Variants in BEST2 observed in about 807,000 individuals in gnomAD.
BEST2 encodes the protein bestrophin 2.
A neutral mutation model predicts 49.0 loss-of-function variants in BEST2; 36 were observed. The ratio of observed to expected loss-of-function variants is 0.73; its 90% confidence interval spans 0.56 to 0.97. The LOEUF is 0.97. Ranked by LOEUF, BEST2 falls within the 50% of genes least tolerant of loss-of-function variation. The pLI is 0.00. For missense variants in BEST2, 672 were observed against 710.0 expected, an observed-to-expected ratio of 0.95 and a Z score of 0.61; for synonymous variants, 335 against 304.4, an observed-to-expected ratio of 1.10 and a Z score of -1.05.
At chr19:12,756,006 C>T in intron 8 of BEST2, 71 bp downstream of exon 8, 1 of 1,590,272 alleles carries the variant, frequency 6.3e-7, no homozygotes, top group Non-Finnish European at 8.6e-7. Flanking sequence ...GTTCTGGTCC[C>T]ACCCCTGCCA....
Position 12,755,138 on chromosome 19 carries a change from A to T in BEST2, c.636+107A>T, listed in dbSNP as rs1338655961. 2.2e-6 allele frequency: 3 copies of T among 1,364,542 alleles called. No homozygotes were observed. In the South Asian group the frequency reaches 4.4e-5, roughly 20 times the overall value. The allele number at this position is 1,364,542 out of a possible 1,614,324, so 84.5% of individuals were successfully genotyped here. On this transcript the variant is annotated intron_variant, in intron 5 of 9. Transcript: ENST00000553030. This position sits in a 1 kb window ranked among gnomAD's most constrained non-coding sequence, Gnocchi z 4.4. ...CACCCCCACGAGGCCGATTTCAAAC[A>T]CCCTCACCAGGTGCACTCTTACCTC...
chr19:12,757,399 G>A (rs1434523599), intron 9 of BEST2, among the ~76,000 whole-genome samples: 1 of 152,186 alleles, frequency 6.6e-6, no homozygotes, highest in African/African-American at 2.4e-5. Flanking sequence ...GCAACAGAGC[G>A]AGACTCCGTC....
Position 12,755,798 on chromosome 19 carries a change from G to C in BEST2, c.867+31G>C. On this transcript the variant is annotated intron_variant, in intron 7 of 9. Coordinates refer to ENST00000553030, the MANE Select transcript of BEST2 (RefSeq NM_017682.3). This position sits in a 1 kb window ranked among gnomAD's most constrained non-coding sequence, Gnocchi z 4.4. The stretch of plus-strand genomic sequence containing the variant: ...TGGGTGATCCAGGCTGGAATTTCGT[G>C]GGTGGGGCGGGCATGGGGTTCCCAA... 1 of 1,613,610 alleles carries C rather than the reference G, an allele frequency of 6.2e-7. No homozygotes were observed.
At chr19:12,752,481 C>T (rs918874757) in intron 1 of BEST2, 61 bp from the exon 2 acceptor site, 136 of 1,196,758 alleles carry the variant, frequency 1.1e-4, no homozygotes, top group Non-Finnish European at 1.4e-4. Flanking sequence ...GGTGGCGGGC[C>T]GGAACATGGG....
intron 2 of BEST2, 107 bp downstream of exon 2, chr19:12,752,851 C>T (rs1014533352): frequency 1.1e-5 from 10 of 870,516 alleles, no homozygotes; most frequent in Non-Finnish European, 1.5e-5. Context: ...GTATATATAT[C>T]TATGTTTTTT....
Position 12,755,067 on chromosome 19 carries a change from C to G in BEST2, c.636+36C>G, listed in dbSNP as rs1967923457. 1 of 1,565,504 alleles carries G rather than the reference C, an allele frequency of 6.4e-7. No individual in the cohort carries two copies. The stretch of plus-strand genomic sequence containing the variant: ...CCAGGAGGTCATTCATATAGAATAC[C>G]AGGGAAATTGTACCCCTGGAGCTGT... On this transcript the variant is annotated intron_variant, in intron 5 of 9. Transcript: ENST00000553030. This position sits in a 1 kb window ranked among gnomAD's most constrained non-coding sequence, Gnocchi z 4.4.
intron 8 of BEST2, 50 bp from the exon 9 acceptor site, chr19:12,756,091 C>G (rs769013011): frequency 1.2e-6 from 2 of 1,610,988 alleles, no homozygotes. Flanking sequence ...ACCCTGTGGT[C>G]CCGGCGGGTT....
chr19:12,757,913 G>GGCCT lies in BEST2; in HGVS notation c.1370_1373dup (p.Glu459AlafsTer56), dbSNP rs761226034. 1 of 1,559,892 alleles carries GGCCT rather than the reference G, an allele frequency of 6.4e-7. No individual in the cohort carries two copies. The highest frequency in any genetic ancestry group is 8.7e-7 in the Non-Finnish European group (1 of 1,153,930). Reference sequence around the variant, plus strand: ...CTGCGGGGACCCGCTGCTCGACCCCGGCCTGCCGGAGCCCGAGGCCCCGCC... The same window carrying GGCCT: ...CTGCGGGGACCCGCTGCTCGACCCCGGCCTGCCTGCCGGAGCCCGAGGCCCCGCC... On this transcript the variant is annotated frameshift_variant, in exon 10 of 10. Coordinates refer to ENST00000553030, the MANE Select transcript of BEST2 (RefSeq NM_017682.3). LOFTEE classifies it low-confidence loss of function (END_TRUNC).
At chr19:12,753,645 G>A (rs1431031553) in intron 3 of BEST2, among the ~76,000 whole-genome samples, 2 of 152,002 alleles carry the variant, frequency 1.3e-5, no homozygotes, top group African/African-American at 4.8e-5. Context: ...TCTCACCAGT[G>A]TCTGTTGTGT....
chr19:12,753,011 G>A (rs1599456896), intron 2 of BEST2, among the ~76,000 whole-genome samples: 1 of 151,874 alleles, frequency 6.6e-6, no homozygotes, highest in Non-Finnish European at 1.5e-5. Flanking sequence ...ACCATGCCTG[G>A]CTAATTTTTT....
Position 12,758,260 on chromosome 19 carries a change from C to A in BEST2, c.*183C>A. On this transcript the variant is annotated 3_prime_UTR_variant, in exon 10 of 10. Coordinates refer to ENST00000553030, the MANE Select transcript of BEST2 (RefSeq NM_017682.3). ...GCGGGAGTTCTTCCAGACTCTTGGA[C>A]CAGCCCGCCCTGACCACCAGCTCTA... The A allele has an allele frequency of 1.4e-6, 1 of 707,404 alleles. No homozygotes were observed. Among genetic ancestry groups the A allele is most frequent in the Non-Finnish European group, 2.3e-6 (1 of 442,546 alleles). The allele number at this position is 707,404 out of a possible 1,614,324, so 43.8% of individuals were successfully genotyped here. A position where few individuals can be genotyped will look rare whatever the true frequency, so the allele number is the denominator to read the frequency against.
chr19:12,755,799 G>A lies in BEST2; in HGVS notation c.867+32G>A. On this transcript the variant is annotated intron_variant, in intron 7 of 9. Coordinates refer to ENST00000553030, the MANE Select transcript of BEST2 (RefSeq NM_017682.3). The surrounding 1 kb of genome is among the most constrained non-coding windows in gnomAD (Gnocchi z 4.4). ...GGGTGATCCAGGCTGGAATTTCGTG[G>A]GTGGGGCGGGCATGGGGTTCCCAAG... 1 of 1,613,642 alleles carries A rather than the reference G, an allele frequency of 6.2e-7. No individual in the cohort carries two copies. Among genetic ancestry groups the A allele is most frequent in the South Asian group, 1.1e-5 (1 of 91,066 alleles).
At chr19:12,754,414 CCCAAACG>C (rs1331376663) in intron 3 of BEST2, 131 bp from the exon 4 acceptor site, 1 of 722,638 alleles carries the variant, frequency 1.4e-6, no homozygotes, top group African/African-American at 1.8e-5. Flanking sequence ...AAGTTCCCAG[CCCAAACG>C]TGGTCAGGTT....
In BEST2 at chr19:12,754,960, T is replaced by G. The variant is rs779188520; in HGVS notation, c.565T>G (p.Ser189Ala). The G allele has an allele frequency of 2.5e-6, 4 of 1,613,784 alleles. No individual in the cohort carries two copies. The Admixed American group carries it at 6.7e-5, about 27-fold the overall frequency. ...NKYWVPCVWF[S>A]NLAAQARREG... is the part of the protein sequence containing the mutation. ...GTACTGGGTGCCCTGCGTCTGGTTC[T>G]CCAACCTGGCGGCACAGGCCCGACG... Residue 189 changes from serine to alanine, a missense_variant, in exon 5 of 10, where the codon TCC (serine) becomes GCC (alanine). Physicochemically the swap from Ser to Ala is moderately conservative, Grantham distance 99. Around this residue, in one of 3 missense-constraint regions of BEST2, gnomAD observed 365 missense variants for 390.9 expected, o/e 0.93. Transcript: ENST00000553030.
chr19:12,754,506 T>G (rs1370795062), intron 3 of BEST2, 46 bp from the exon 4 acceptor site: 1 of 1,388,876 alleles, frequency 7.2e-7, no homozygotes, highest in East Asian at 2.6e-5. Flanking sequence ...CCCAAACCCC[T>G]GGCCCTGGTG....
intron 1 of BEST2, 95 bp downstream of exon 1, chr19:12,751,934 T>C (rs115511257): frequency 0.023 from 3,362 of 146,812 alleles, 120 homozygotes; most frequent in African/African-American, 0.08. Context: ...GGGCGGGGAG[T>C]GGAGGGCTTG....
intron 3 of BEST2, 25 bp downstream of exon 3, chr19:12,753,379 G>A (rs370586141): frequency 8.6e-5 from 138 of 1,602,328 alleles, no homozygotes; most frequent in African/African-American, 2.5e-4. Flanking sequence ...CAAGTCCCCC[G>A]TTCCCATGTC....
At chr19:12,756,454 G>A in intron 9 of BEST2, 159 bp downstream of exon 9, 1 of 1,054,498 alleles carries the variant, frequency 9.5e-7, no homozygotes, top group Non-Finnish European at 1.4e-6. Context: ...GGAGTCAGGG[G>A]ACAAGGTCAA....
chr19:12,753,245 A>G lies in BEST2; in HGVS notation c.153-15A>G. On this transcript the variant is annotated splice_polypyrimidine_tract_variant and intron_variant, in intron 2 of 9. Coordinates refer to ENST00000553030, the MANE Select transcript of BEST2 (RefSeq NM_017682.3). ...TCACCCTTGTGACCTGTGACCCCTCATCTCTATCCCGCAGCTTTGTGCTGA... is the reference window on the plus strand; with the variant it reads ...TCACCCTTGTGACCTGTGACCCCTCGTCTCTATCCCGCAGCTTTGTGCTGA... The G allele has an allele frequency of 6.2e-7, 1 of 1,613,832 alleles. No individual in the cohort carries two copies. Among genetic ancestry groups the G allele is most frequent in the Non-Finnish European group, 8.5e-7 (1 of 1,179,732 alleles).
Sources: allele counts gnomAD v4.1 joint callset (sites outside exome capture counted in the v4.1 genomes callset), GRCh38; gene constraint gnomAD v4.1.1; regional missense constraint gnomAD v4.1.1; non-coding constraint Gnocchi (gnomAD v3.1); transcripts MANE v1.5; gene names NCBI Gene and HGNC (gene_info 2026-07-23, HGNC 2026-07-21).